The following NCSTN variants were observed in gnomAD, a reference collection of about 807,000 sequenced individuals.
The protein encoded by NCSTN is anterior pharynx-defective 2.
NCSTN carries 22 observed loss-of-function variants against 87.0 expected under a neutral mutation model. The ratio of observed to expected loss-of-function variants is 0.25; its 90% CI spans 0.18 to 0.36. The LOEUF (loss-of-function observed/expected upper bound fraction) is 0.36. Among genes scored for constraint, NCSTN ranks in the 10% least tolerant of loss-of-function variants. The pLI, the probability that NCSTN is intolerant of heterozygous loss-of-function variation, is 1.00. For synonymous variants in NCSTN, 306 were observed against 327.1 expected, an observed-to-expected ratio of 0.94 and a Z score of 0.69; for missense variants, 693 against 883.3, an observed-to-expected ratio of 0.78 and a Z score of 2.73.
chr1:160,344,665 T>C (rs1648350469), intron 1 of NCSTN, 57 bp from the exon 2 acceptor site: 3 of 1,602,370 alleles, frequency 1.9e-6, no homozygotes, highest in South Asian at 1.1e-5. Flanking sequence ...AATGACACGA[T>C]AGAAGCTAGT....
chr1:160,356,983 G>C (rs971195447), intron 15 of NCSTN, 58 bp from the exon 16 acceptor site: 5 of 1,507,894 alleles, frequency 3.3e-6, no homozygotes, highest in Admixed American at 1.7e-5. Flanking sequence ...AGAGGGTAGA[G>C]GGAACGAGTG....
chr1:160,351,457 A>G (rs765054706), intron 6 of NCSTN, 85 bp downstream of exon 6: 4 of 1,501,144 alleles, frequency 2.7e-6, no homozygotes, highest in African/African-American at 1.4e-5. Flanking sequence ...GAGAGACTGT[A>G]ATAGGGAAGG....
Position 160,351,382 on chromosome 1 carries a change from A to G in NCSTN, c.733+10A>G. ...TTCAGCATCAACCCAGGTAGGGCAG[A>G]TCCGAACCATGAGGGTAATGGAATA... On this transcript the variant is annotated intron_variant, in intron 6 of 16. Transcript: ENST00000294785. 6.2e-7 allele frequency: 1 copy of G among 1,613,992 alleles called. No individual in the cohort carries two copies. The highest frequency in any genetic ancestry group is 8.5e-7 in the Non-Finnish European group (1 of 1,179,872).
At chr1:160,348,787 T>C (rs1648666090) in intron 2 of NCSTN, among the ~76,000 whole-genome samples, 1 of 152,240 alleles carries the variant, frequency 6.6e-6, no homozygotes, top group Admixed American at 6.5e-5. Flanking sequence ...TGGCATATAA[T>C]GAGTCCTCTT....
At position 160,356,972 on chromosome 1, in the gene NCSTN, T is replaced by TAG. The variant is rs368949837; in HGVS notation, c.1795-66_1795-65dup. ...TCAATTGGTTAGAGCATGGCACTGA[T>TAG]AGAGGGTAGAGGGAACGAGTGAGAA... On this transcript the variant is annotated intron_variant, in intron 15 of 16. Coordinates refer to ENST00000294785, the MANE Select transcript of NCSTN (RefSeq NM_015331.3). The TAG allele has an allele frequency of 8.2e-5, 120 of 1,461,788 alleles. 1 individual carries two copies. In the African/African-American group the frequency reaches 1.5e-3, roughly 19 times the overall value. The allele number at this position is 1,461,788 out of a possible 1,614,324, so 90.6% of individuals were successfully genotyped here.
chr1:160,352,950 G>T lies in NCSTN; in HGVS notation c.1060G>T (p.Val354Leu), dbSNP rs11547484. The T allele has an allele frequency of 6.2e-7, 1 of 1,614,128 alleles. No individual in the cohort carries two copies. Among genetic ancestry groups the T allele is most frequent in the East Asian group, 2.2e-5 (1 of 44,878 alleles). ...VYDMEKGKFP[V>L]QLENVDSFVE... ...CGATATGGAGAAGGGCAAGTTTCCC[G>T]TGCAGTTAGAGAATGTTGACTCATT... is the stretch of plus-strand genomic sequence containing the variant. The change falls in exon 9 of 17, where the codon GTG becomes TTG. Residue 354 changes from valine to leucine, a missense_variant. By Grantham distance (32) the Val-to-Leu change is conservative. Transcript: ENST00000294785.
intron 13 of NCSTN, 27 bp downstream of exon 13, chr1:160,355,985 T>C (rs1224889862): frequency 3.8e-6 from 6 of 1,575,436 alleles, no homozygotes; most frequent in South Asian, 1.1e-5. Context: ...TAGCTCCTTC[T>C]TTCTATTTAC....
intron 8 of NCSTN, among the ~76,000 whole-genome samples, 156 bp downstream of exon 8, chr1:160,352,362 C>T (rs1281756421): frequency 1.3e-5 from 2 of 152,260 alleles, no homozygotes; most frequent in Non-Finnish European, 2.9e-5. Flanking sequence ...CTTTAGATTC[C>T]TCCATTTTAG....
chr1:160,351,416 A>G (rs750373218), intron 6 of NCSTN, 44 bp downstream of exon 6: 1 of 1,601,030 alleles, frequency 6.2e-7, no homozygotes, highest in East Asian at 2.2e-5. Flanking sequence ...TAAGGGGCAG[A>G]GGGAGAGTGG....
intron 5 of NCSTN, 71 bp downstream of exon 5, chr1:160,350,321 GT>G: frequency 6.3e-7 from 1 of 1,577,662 alleles, no homozygotes; most frequent in South Asian, 1.1e-5. Context: ...GTGTGGTGGT[GT>G]GTGCACGTAG....
At chr1:160,352,805 G>T (rs943697494) in intron 8 of NCSTN, 82 bp from the exon 9 acceptor site, 7 of 1,065,462 alleles carry the variant, frequency 6.6e-6, no homozygotes, top group Non-Finnish European at 1.0e-5. Context: ...CTTACCTACA[G>T]CTTTGATGAT....
At chr1:160,356,098 T>G in intron 13 of NCSTN, 140 bp downstream of exon 13, 2 of 1,014,396 alleles carry the variant, frequency 2.0e-6, no homozygotes, top group Admixed American at 2.0e-5. Flanking sequence ...AGAGAGCTCT[T>G]GGGTGGGCCT....
chr1:160,350,510 C>T (rs796931990), intron 5 of NCSTN, among the ~76,000 whole-genome samples: 4 of 151,524 alleles, frequency 2.6e-5, no homozygotes, highest in East Asian at 1.9e-4. Flanking sequence ...GAGGGTGGCT[C>T]ATTCTTCTGG....
intron 13 of NCSTN, 131 bp downstream of exon 13, chr1:160,356,089 G>T: frequency 9.4e-7 from 1 of 1,068,762 alleles, no homozygotes; most frequent in Non-Finnish European, 1.4e-6. Context: ...TCATGCCCCA[G>T]AGAGCTCTTG....
At chr1:160,345,853 C>T (rs904726772) in intron 2 of NCSTN, among the ~76,000 whole-genome samples, 3 of 149,496 alleles carry the variant, frequency 2.0e-5, no homozygotes, top group Non-Finnish European at 4.4e-5. Flanking sequence ...GCAGAAGAAT[C>T]CCTTGAGCCC....
At chr1:160,343,616 G>A in intron 1 of NCSTN, 135 bp downstream of exon 1, 2 of 893,668 alleles carry the variant, frequency 2.2e-6, no homozygotes, top group East Asian at 5.3e-5. Context: ...TTTCTTTTTC[G>A]TTCCCACGAC....
intron 6 of NCSTN, 109 bp from the exon 7 acceptor site, chr1:160,351,587 G>C (rs1648840372): frequency 1.5e-6 from 2 of 1,291,190 alleles, no homozygotes. Flanking sequence ...TGGAAGTAGA[G>C]AAAACGACTT....
chr1:160,352,219 T>C lies in NCSTN; in HGVS notation c.996+13T>C, dbSNP rs1197440173. On this transcript the variant is annotated intron_variant, in intron 8 of 16. Coordinates refer to ENST00000294785, the MANE Select transcript of NCSTN (RefSeq NM_015331.3). Reference sequence around the variant, plus strand: ...CTTCTTTCAAGGGGTAAGGGCTCTTTGGCTGGGGTGCAATGGCAGGGAAGA... The same window carrying C: ...CTTCTTTCAAGGGGTAAGGGCTCTTCGGCTGGGGTGCAATGGCAGGGAAGA... The C allele has an allele frequency of 6.2e-7, 1 of 1,613,978 alleles. No individual in the cohort carries two copies. Among genetic ancestry groups the C allele is most frequent in the Admixed American group, 1.7e-5 (1 of 60,012 alleles).
rs199822223 is a variant in NCSTN at position 160,354,195 on chromosome 1, C to T, written c.1257C>T (p.Ser419=). ...PAVILRRPNQ[S]QPLPPSSLQR... is the part of the protein sequence containing the mutation. ...TCATCCTCAGGAGGCCAAATCAGTC[C>T]CAGCCTCTCCCACCATCTTCCCTGC... is the stretch of plus-strand genomic sequence containing the variant. Residue 419 remains serine, a synonymous_variant, in exon 11 of 17, where the codon TCC becomes TCT. Transcript: ENST00000294785. The T allele has an allele frequency of 6.2e-7, 1 of 1,614,146 alleles. No individual in the cohort carries two copies. The highest frequency in any genetic ancestry group is 8.5e-7 in the Non-Finnish European group (1 of 1,180,032).
Sources: allele counts gnomAD v4.1 joint callset (sites outside exome capture counted in the v4.1 genomes callset), GRCh38; gene constraint gnomAD v4.1.1; transcripts MANE v1.5; gene names NCBI Gene and HGNC (gene_info 2026-07-23, HGNC 2026-07-21).